SLC37A1: variants seen among roughly 807,000 people sequenced by gnomAD.
SLC37A1 encodes solute carrier family 37 member 1, also known as glucose-6-phosphate exchanger SLC37A1.
SLC37A1 carries 49 observed loss-of-function variants against 75.3 expected under a neutral mutation model. The observed-to-expected ratio is 0.65, with a 90% CI of 0.52 to 0.83. The LOEUF is 0.83. SLC37A1 is among the 40% of genes least tolerant of loss of function. The pLI, the probability that SLC37A1 is intolerant of heterozygous loss-of-function variation, is 0.00. For synonymous variants in SLC37A1, 268 were observed against 292.1 expected (o/e 0.92, Z 0.84); for missense variants, 566 against 695.0 (o/e 0.81, Z 2.09).
chr21:42,540,008 A>C (rs1052066277), intron 6 of SLC37A1, among the ~76,000 whole-genome samples: 1 of 152,232 alleles, frequency 6.6e-6, no homozygotes, highest in Non-Finnish European at 1.5e-5. Flanking sequence ...TGTGTCCTCC[A>C]GCTGAAGCCC....
At chr21:42,562,941 C>T (rs1470117494) in intron 12 of SLC37A1, among the ~76,000 whole-genome samples, 1 of 152,108 alleles carries the variant, frequency 6.6e-6, no homozygotes, top group Non-Finnish European at 1.5e-5. Context: ...GAGCACAGAC[C>T]ACCTATTCTG....
chr21:42,564,849 C>G (rs2055934532), intron 14 of SLC37A1, 56 bp downstream of exon 14: 5 of 1,493,894 alleles, frequency 3.3e-6, no homozygotes, highest in Admixed American at 1.7e-5. Context: ...CCCCACTGTC[C>G]TCCTCGCCAG....
chr21:42,580,241 C>A, intron 19 of SLC37A1, 104 bp from the exon 20 acceptor site: 1 of 1,337,714 alleles, frequency 7.5e-7, no homozygotes, highest in South Asian at 1.2e-5. Context: ...GCCGGGAGGG[C>A]AGCTGGCTCC....
chr21:42,529,516 C>T (rs953866536), intron 3 of SLC37A1, among the ~76,000 whole-genome samples: 2 of 151,974 alleles, frequency 1.3e-5, no homozygotes, highest in South Asian at 2.1e-4. Flanking sequence ...ACCACACCAC[C>T]GCACTCCAGC....
intron 1 of SLC37A1, among the ~76,000 whole-genome samples, chr21:42,515,947 T>G (rs929328996): frequency 6.6e-6 from 1 of 152,042 alleles, no homozygotes; most frequent in Non-Finnish European, 1.5e-5. Flanking sequence ...TTGGTAGAGA[T>G]GGGATTTTGC....
intron 5 of SLC37A1, among the ~76,000 whole-genome samples, chr21:42,535,754 G>A (rs1276553935): frequency 1.3e-5 from 2 of 152,216 alleles, no homozygotes; most frequent in African/African-American, 4.8e-5. Flanking sequence ...AGGACCTCGA[G>A]GCAGAGGATT....
chr21:42,545,683 C>G lies in SLC37A1; in HGVS notation c.731-1420C>G, dbSNP rs186091866. 3.3e-5 allele frequency among the ~76,000 whole-genome samples: 5 copies of G among 152,356 alleles called. No individual in the cohort carries two copies. The highest frequency in any genetic ancestry group is 3.3e-4 in the Admixed American group (5 of 15,308). ...CCAGGAAGAGCCATATCAGGGGAAG[C>G]CCCTGGCTTACCCCTGGGGGCATCA... On this transcript the variant is annotated intron_variant, in intron 8 of 19. Transcript: ENST00000352133. The surrounding 1 kb of genome is among the most constrained non-coding windows in gnomAD (Gnocchi z 4.0).
Position 42,580,433 on chromosome 21 carries a change from A to G in SLC37A1, c.*73A>G. 1 of 1,534,352 alleles carries G rather than the reference A, an allele frequency of 6.5e-7. No homozygotes were observed. The highest frequency in any genetic ancestry group is 8.9e-7 in the Non-Finnish European group (1 of 1,124,320). On this transcript the variant is annotated 3_prime_UTR_variant, in exon 20 of 20. Transcript: ENST00000352133. Reference sequence around the variant, plus strand: ...CTGCCTTTCAAGGACAGTTCAGACAAAGGGCCCTGCATGGAAAGAGTGACC... The same window carrying G: ...CTGCCTTTCAAGGACAGTTCAGACAGAGGGCCCTGCATGGAAAGAGTGACC...
At chr21:42,563,980 T>G in intron 13 of SLC37A1, 103 bp downstream of exon 13, 1 of 1,363,988 alleles carries the variant, frequency 7.3e-7, no homozygotes, top group Non-Finnish European at 1.0e-6. Context: ...CAAGGTCTCA[T>G]ATCCCCTGAG....
At chr21:42,563,764 G>C (rs376759414) in intron 12 of SLC37A1, 51 bp from the exon 13 acceptor site, 1 of 1,572,444 alleles carries the variant, frequency 6.4e-7, no homozygotes, top group African/African-American at 1.3e-5. Flanking sequence ...GTGTCGCTGC[G>C]ATGCGTGAAG....
At chr21:42,506,285 A>G (rs913829472) in intron 2 of SLC37A1, among the ~76,000 whole-genome samples, 12 of 152,234 alleles carry the variant, frequency 7.9e-5, no homozygotes, top group Non-Finnish European at 8.8e-5. Flanking sequence ...AACAGGATTT[A>G]TATTAAGGAT....
chr21:42,541,478 A>T (rs1402799018), intron 6 of SLC37A1, among the ~76,000 whole-genome samples: 2 of 152,110 alleles, frequency 1.3e-5, no homozygotes, highest in East Asian at 3.9e-4. Context: ...TTGTAGAGCC[A>T]CCCCCGAGTC....
intron 1 of SLC37A1, among the ~76,000 whole-genome samples, chr21:42,517,035 T>C (rs1601658794): frequency 6.6e-6 from 1 of 152,234 alleles, no homozygotes; most frequent in Non-Finnish European, 1.5e-5. Context: ...GAGCACGTGG[T>C]CTGTGCTAGG....
At chr21:42,549,007 G>A (rs2055491959) in intron 9 of SLC37A1, among the ~76,000 whole-genome samples, 1 of 152,178 alleles carries the variant, frequency 6.6e-6, no homozygotes, top group African/African-American at 2.4e-5. Context: ...CCTTCAGGAA[G>A]GTCAAACACC....
At chr21:42,559,544 G>A (rs115176499) in intron 11 of SLC37A1, among the ~76,000 whole-genome samples, 204 of 152,338 alleles carry the variant, frequency 1.3e-3, no homozygotes, top group African/African-American at 4.4e-3. Context: ...GTGCTGCGCC[G>A]TGGCCTTCGC....
At chr21:42,541,470 G>A (rs1357863565) in intron 6 of SLC37A1, among the ~76,000 whole-genome samples, 1 of 152,240 alleles carries the variant, frequency 6.6e-6, no homozygotes, top group African/African-American at 2.4e-5. Context: ...GTGCAGTCTT[G>A]TAGAGCCACC....
intron 2 of SLC37A1, among the ~76,000 whole-genome samples, chr21:42,523,871 CCTTT>C (rs1010745773): frequency 1.3e-5 from 2 of 150,780 alleles, no homozygotes; most frequent in Admixed American, 6.6e-5. Context: ...GAGCCACCAA[CCTTT>C]CTTTCCCACC....
upstream of SLC37A1, among the ~76,000 whole-genome samples, chr21:42,511,468 T>C (rs893598818): frequency 4.6e-5 from 7 of 152,172 alleles, no homozygotes; most frequent in African/African-American, 1.7e-4. Context: ...TACATTACAC[T>C]AGGTGAAATA....
intron 2 of SLC37A1, among the ~76,000 whole-genome samples, chr21:42,525,356 G>A (rs2054760298): frequency 6.6e-6 from 1 of 152,270 alleles, no homozygotes; most frequent in African/African-American, 2.4e-5. Context: ...GGCATGTGAA[G>A]CGGGGCAGCC....
Sources: gnomAD v4.1 joint callset for allele counts (sites outside exome capture counted in the v4.1 genomes callset) on GRCh38, gnomAD v4.1.1 for gene constraint, Gnocchi (gnomAD v3.1) non-coding constraint, MANE v1.5 for transcripts, NCBI Gene and HGNC (gene_info 2026-07-23, HGNC 2026-07-21) for gene names.